Variants in RAB23 observed in about 807,000 individuals in gnomAD.
RAB23 encodes the protein ras-related protein Rab-23.
A neutral mutation model predicts 30.0 loss-of-function variants in RAB23; 15 were observed. The ratio of observed to expected loss-of-function variants is 0.50; its 90% CI spans 0.33 to 0.77. The LOEUF is 0.77. RAB23 is among the 30% of genes least tolerant of loss of function. RAB23 has a pLI of 0.02. For synonymous variants in RAB23, 93 were observed against 94.0 expected, an observed-to-expected ratio of 0.99 and a Z score of 0.06; for missense variants, 243 against 275.4, an observed-to-expected ratio of 0.88 and a Z score of 0.83.
At chr6:57,195,779 A>G (rs901921937) in intron 4 of RAB23, among the ~76,000 whole-genome samples, 5 of 152,242 alleles carry the variant, frequency 3.3e-5, no homozygotes, top group Non-Finnish European at 5.9e-5. Flanking sequence ...CTGCAGCTTC[A>G]TGAAAAACCA....
rs925713227 is a variant in RAB23, at chr6:57,188,662, C to T, written c.*1799G>A. 2.0e-5 allele frequency: 3 copies of T among 152,048 alleles called. No homozygotes were observed. The highest frequency in any genetic ancestry group is 7.2e-5 in the African/African-American group (3 of 41,404). The allele number at this position is 152,048 out of a possible 1,614,324, so 9.4% of individuals were successfully genotyped here. A position where few individuals can be genotyped will look rare whatever the true frequency, so the allele number is the denominator to read the frequency against. ...TGTTTGTTAGGAACTGAATTTTGCC[C>T]CCAAAACCTATGTCACTATCAGCAA... On this transcript the variant is annotated 3_prime_UTR_variant, in exon 7 of 7. Coordinates refer to ENST00000468148, the MANE Select transcript of RAB23 (RefSeq NM_016277.5).
chr6:57,213,032 T>C (rs1593226110), intron 1 of RAB23, among the ~76,000 whole-genome samples: 1 of 151,378 alleles, frequency 6.6e-6, no homozygotes, highest in Non-Finnish European at 1.5e-5. Flanking sequence ...AGATGGGAGG[T>C]TGGTGGGGGG....
chr6:57,188,113 A>AATC lies in RAB23; in HGVS notation c.*2345_*2347dup, dbSNP rs1310031963. On this transcript the variant is annotated 3_prime_UTR_variant, in exon 7 of 7. Transcript: ENST00000468148. ...AGAGCACAAATGCACAATCACCTGGAATCTTGGAAAAGTTTTTCTTTAGTA... is the reference window on the plus strand; with the variant it reads ...AGAGCACAAATGCACAATCACCTGGAATCATCTTGGAAAAGTTTTTCTTTAGTA... 6.6e-6 allele frequency: 1 copy of AATC among 152,192 alleles called. No individual in the cohort carries two copies. The highest frequency in any genetic ancestry group is 1.5e-5 in the Non-Finnish European group (1 of 68,020). The allele number at this position is 152,192 out of a possible 1,614,324, so 9.4% of individuals were successfully genotyped here. A position where few individuals can be genotyped will look rare whatever the true frequency, so the allele number is the denominator to read the frequency against.
intron 3 of RAB23, among the ~76,000 whole-genome samples, chr6:57,198,445 T>C (rs866313935): frequency 3.3e-4 from 50 of 151,476 alleles, no homozygotes; most frequent in Non-Finnish European, 5.0e-4. Flanking sequence ...ACCCGGGAGG[T>C]GGAGCTTGCA....
In RAB23 at chr6:57,190,358, T is replaced by C. The variant is rs756249722; in HGVS notation, c.*103A>G. 1 of 1,371,970 alleles carries C rather than the reference T, an allele frequency of 7.3e-7. No homozygotes were observed. The highest frequency in any genetic ancestry group is 1.4e-5 in the African/African-American group (1 of 69,932). 85.0% of individuals were successfully genotyped at this position (1,371,970 alleles called of 1,614,324 possible). A position where few individuals can be genotyped will look rare whatever the true frequency, so the allele number is the denominator to read the frequency against. On this transcript the variant is annotated 3_prime_UTR_variant, in exon 7 of 7. Transcript: ENST00000468148. ...AAGTCTGTCACTTTCAGAGAGCCATTAGGAGCAAAGTCTGCTGAAAACCTT... is the reference window on the plus strand; with the variant it reads ...AAGTCTGTCACTTTCAGAGAGCCATCAGGAGCAAAGTCTGCTGAAAACCTT...
chr6:57,191,549 A>G (rs928403437), intron 6 of RAB23, among the ~76,000 whole-genome samples: 2 of 150,910 alleles, frequency 1.3e-5, no homozygotes, highest in Non-Finnish European at 3.0e-5. Context: ...TCTTGGAGTC[A>G]ATTGATTCTC....
At chr6:57,214,049 C>T (rs1765750653) in intron 1 of RAB23, among the ~76,000 whole-genome samples, 3 of 152,172 alleles carry the variant, frequency 2.0e-5, no homozygotes, top group South Asian at 4.2e-4. Flanking sequence ...CCAAGGCATC[C>T]CTAGAGACCA....
At chr6:57,207,229 T>G (rs1447851990) in intron 3 of RAB23, among the ~76,000 whole-genome samples, 1 of 152,218 alleles carries the variant, frequency 6.6e-6, no homozygotes, top group Non-Finnish European at 1.5e-5. Context: ...CCTACAGCAG[T>G]GAAAAGGCTT....
chr6:57,196,284 T>C (rs976608387), intron 4 of RAB23, among the ~76,000 whole-genome samples, 166 bp downstream of exon 4: 44 of 152,160 alleles, frequency 2.9e-4, no homozygotes, highest in African/African-American at 9.7e-4. Context: ...ACCAATCACA[T>C]AGAATAGCTC....
At chr6:57,206,658 G>A (rs1754203337) in intron 3 of RAB23, among the ~76,000 whole-genome samples, 1 of 152,168 alleles carries the variant, frequency 6.6e-6, no homozygotes, top group Non-Finnish European at 1.5e-5. Flanking sequence ...GGAAGCAGCA[G>A]TGAGAAACAA....
chr6:57,195,964 A>C (rs1765008498), intron 4 of RAB23, among the ~76,000 whole-genome samples: 1 of 152,242 alleles, frequency 6.6e-6, no homozygotes, highest in South Asian at 2.1e-4. Flanking sequence ...GGCAAAAATA[A>C]TAATACAATA....
intron 3 of RAB23, among the ~76,000 whole-genome samples, chr6:57,199,217 A>C (rs975271076): frequency 3.3e-5 from 5 of 151,972 alleles, no homozygotes; most frequent in African/African-American, 1.2e-4. Context: ...GGCTGTTCTG[A>C]TGCATCCCCC....
At chr6:57,196,727 TA>T in intron 3 of RAB23, 121 bp from the exon 4 acceptor site, 1 of 1,236,568 alleles carries the variant, frequency 8.1e-7, no homozygotes, top group Non-Finnish European at 1.1e-6. Context: ...AAACAACTTT[TA>T]TGTAAATAAA....
chr6:57,217,213 C>CAA (rs759917434), intron 1 of RAB23, among the ~76,000 whole-genome samples: 9 of 58,502 alleles, frequency 1.5e-4, no homozygotes, highest in South Asian at 5.6e-4. Context: ...ACAAGGAAAG[C>CAA]AAAAAAAAAA....
At chr6:57,192,937 T>G (rs1484453852) in intron 6 of RAB23, among the ~76,000 whole-genome samples, 2 of 151,992 alleles carry the variant, frequency 1.3e-5, no homozygotes, top group East Asian at 3.9e-4. Context: ...AGAGAACCAG[T>G]AAATGGGTTA....
chr6:57,208,683 A>C (rs1765537005), intron 2 of RAB23, among the ~76,000 whole-genome samples: 1 of 151,626 alleles, frequency 6.6e-6, no homozygotes, highest in Non-Finnish European at 1.5e-5. Flanking sequence ...GGTTGCCCTT[A>C]AACTTAAAAT....
At chr6:57,201,034 C>T (rs950086687) in intron 3 of RAB23, among the ~76,000 whole-genome samples, 2 of 151,944 alleles carry the variant, frequency 1.3e-5, no homozygotes. Flanking sequence ...TCTCCCCTAG[C>T]CCCTTCTCCT....
Position 57,188,845 on chromosome 6 carries a change from C to CACTT in RAB23, c.*1612_*1615dup, listed in dbSNP as rs1199232498. The stretch of plus-strand genomic sequence containing the variant: ...GGCAAAGAGAACATTTACTTTTGAT[C>CACTT]ACTTAACAAGGACACACCCAGGAAA... On this transcript the variant is annotated 3_prime_UTR_variant, in exon 7 of 7. Transcript: ENST00000468148. 4.6e-5 allele frequency: 7 copies of CACTT among 151,936 alleles called. No homozygotes were observed. Among genetic ancestry groups the CACTT allele is most frequent in the African/African-American group, 9.7e-5 (4 of 41,350 alleles). The allele number at this position is 151,936 out of a possible 1,614,324, so 9.4% of individuals were successfully genotyped here.
rs192406703 is a variant in RAB23, at chr6:57,208,217, A to G, written c.156-504T>C. ...TCTGCCATGTTTTTTTCTTTGACAC[A>G]GTCACAGCGTAGTGGTGGTCTAAGA... On this transcript the variant is annotated intron_variant, in intron 2 of 6. Transcript: ENST00000468148. Among the ~76,000 whole-genome samples the G allele has an allele frequency of 2.0e-5, 3 of 152,298 alleles. No individual in the cohort carries two copies. In the East Asian group the frequency reaches 5.8e-4, roughly 29 times the overall value.
Sources: allele counts gnomAD v4.1 joint callset (sites outside exome capture counted in the v4.1 genomes callset), GRCh38; gene constraint gnomAD v4.1.1; transcripts MANE v1.5; gene names NCBI Gene and HGNC (gene_info 2026-07-23, HGNC 2026-07-21).